STT3B: variants seen among roughly 807,000 people sequenced by gnomAD.
STT3B encodes STT3 oligosaccharyltransferase complex catalytic subunit B.
STT3B carries 29 observed loss-of-function variants against 96.8 expected under a neutral mutation model. The ratio of observed to expected loss-of-function variants is 0.30; its 90% CI spans 0.22 to 0.41. The LOEUF is 0.41. STT3B is among the 10% of genes least tolerant of loss of function. The probability of loss-of-function intolerance (pLI) is 1.00; values close to 1 mark genes in which losing one functional copy is unlikely to be tolerated. For synonymous variants in STT3B, 367 were observed against 360.0 expected (o/e 1.02, Z -0.22); for missense variants, 640 against 1,022.3 (o/e 0.63, Z 5.10).
At chr3:31,622,340 T>C in intron 10 of STT3B, 32 bp downstream of exon 10, 1 of 1,552,832 alleles carries the variant, frequency 6.4e-7, no homozygotes, top group Non-Finnish European at 8.9e-7. Context: ...CTTTAAATTG[T>C]CTATGTCCTT....
chr3:31,597,467 T>G (rs1698818618), intron 4 of STT3B, among the ~76,000 whole-genome samples: 1 of 152,030 alleles, frequency 6.6e-6, no homozygotes, highest in Non-Finnish European at 1.5e-5. Context: ...CTGTCATTTC[T>G]TTTTTCAGAG....
At chr3:31,617,342 C>T (rs1033170968) in intron 7 of STT3B, among the ~76,000 whole-genome samples, 1 of 151,598 alleles carries the variant, frequency 6.6e-6, no homozygotes, top group Non-Finnish European at 1.5e-5. Flanking sequence ...ATATGCTCAC[C>T]TTCTCTTGCA....
At chr3:31,567,287 A>G (rs746724165) in intron 1 of STT3B, among the ~76,000 whole-genome samples, 5 of 151,962 alleles carry the variant, frequency 3.3e-5, no homozygotes, top group Non-Finnish European at 7.4e-5. Flanking sequence ...CTCCTTTACT[A>G]CTAATATTTG....
intron 3 of STT3B, among the ~76,000 whole-genome samples, chr3:31,594,131 A>G (rs942725819): frequency 6.6e-6 from 1 of 152,190 alleles, no homozygotes; most frequent in African/African-American, 2.4e-5. Context: ...AAAAAACTCA[A>G]TCCATATTTT....
chr3:31,572,371 A>C (rs1204594342), intron 1 of STT3B, among the ~76,000 whole-genome samples: 1 of 151,550 alleles, frequency 6.6e-6, no homozygotes, highest in Non-Finnish European at 1.5e-5. Flanking sequence ...TTAGTCTTTG[A>C]CACTTATCTC....
At chr3:31,624,680 T>G (rs903049480) in intron 11 of STT3B, among the ~76,000 whole-genome samples, 1 of 152,046 alleles carries the variant, frequency 6.6e-6, no homozygotes, top group Non-Finnish European at 1.5e-5. Context: ...CTTTTTTTTT[T>G]TTTTTTTAAA....
intron 15 of STT3B, among the ~76,000 whole-genome samples, chr3:31,633,870 A>T (rs1699711535): frequency 6.6e-6 from 1 of 152,156 alleles, no homozygotes; most frequent in Non-Finnish European, 1.5e-5. Context: ...TATCCTTATA[A>T]TACTGATTAT....
chr3:31,566,885 A>C (rs577603062), intron 1 of STT3B, among the ~76,000 whole-genome samples: 1 of 152,218 alleles, frequency 6.6e-6, no homozygotes, highest in Admixed American at 6.5e-5. Context: ...CCAGTGCCTA[A>C]CAGAAACCTG....
At chr3:31,560,970 A>T (rs1295146697) in intron 1 of STT3B, among the ~76,000 whole-genome samples, 1 of 151,948 alleles carries the variant, frequency 6.6e-6, no homozygotes, top group Admixed American at 6.6e-5. Flanking sequence ...TTGTCTGACT[A>T]GGTTATTTCA....
intron 14 of STT3B, among the ~76,000 whole-genome samples, chr3:31,630,368 A>G (rs778940924): frequency 4.6e-5 from 7 of 152,114 alleles, no homozygotes; most frequent in African/African-American, 1.7e-4. Flanking sequence ...AGTTTCTCCC[A>G]TATATGTACC....
At chr3:31,626,289 A>G (rs1411580536) in intron 13 of STT3B, among the ~76,000 whole-genome samples, 162 bp downstream of exon 13, 3 of 152,174 alleles carry the variant, frequency 2.0e-5, no homozygotes, top group Admixed American at 1.3e-4. Flanking sequence ...GGCATTTCCT[A>G]TATTAAAACT....
chr3:31,629,211 ATTC>A, intron 13 of STT3B, 84 bp from the exon 14 acceptor site: 2 of 770,674 alleles, frequency 2.6e-6, no homozygotes, highest in South Asian at 1.6e-5. Context: ...TCAGAAGCTT[ATTC>A]TTACAGGGAA....
intron 8 of STT3B, among the ~76,000 whole-genome samples, chr3:31,618,200 C>G (rs759816000): frequency 2.6e-5 from 4 of 152,030 alleles, no homozygotes; most frequent in Non-Finnish European, 5.9e-5. Flanking sequence ...TTGTGTATTA[C>G]TGTTCTGCAT....
chr3:31,623,654 A>T lies in STT3B; in HGVS notation c.1540-20A>T, dbSNP rs1025581455. The T allele has an allele frequency of 8.3e-6, 13 of 1,566,928 alleles. No individual in the cohort carries two copies. The highest frequency in any genetic ancestry group is 1.4e-5 in the African/African-American group (1 of 73,306). ...AGTCAAATAATGAATTTGTCTAACC[A>T]ATTTTTTTAATATCTTTAGGCAGGT... On this transcript the variant is annotated intron_variant, in intron 10 of 15. Transcript: ENST00000295770.
At chr3:31,539,682 T>A (rs1697208187) in intron 1 of STT3B, among the ~76,000 whole-genome samples, 1 of 152,184 alleles carries the variant, frequency 6.6e-6, no homozygotes, top group Non-Finnish European at 1.5e-5. Context: ...TTGATTGTTT[T>A]GATGGAGCGA....
chr3:31,616,730 A>G (rs962015922), intron 6 of STT3B, among the ~76,000 whole-genome samples, 199 bp from the exon 7 acceptor site: 6 of 143,546 alleles, frequency 4.2e-5, no homozygotes, highest in Admixed American at 7.0e-5. Flanking sequence ...ATCATTTAGG[A>G]AAAAAAAAAA....
At chr3:31,633,296 C>A in intron 15 of STT3B, 149 bp downstream of exon 15, 2 of 698,972 alleles carry the variant, frequency 2.9e-6, no homozygotes, top group Non-Finnish European at 4.6e-6. Flanking sequence ...TCAGCCTAGC[C>A]TGCTAGGAGC....
intron 1 of STT3B, among the ~76,000 whole-genome samples, chr3:31,534,656 A>G (rs563307434): frequency 4.6e-5 from 7 of 152,344 alleles, no homozygotes; most frequent in South Asian, 4.1e-4. Context: ...TAAGTTCTGC[A>G]TTATGGAGAG....
intron 5 of STT3B, among the ~76,000 whole-genome samples, chr3:31,614,623 A>G (rs981470011): frequency 3.3e-5 from 5 of 152,058 alleles, no homozygotes; most frequent in African/African-American, 9.6e-5. Context: ...GTACTATACA[A>G]AGGTATTATG....
Sources: gnomAD v4.1 joint callset for allele counts (sites outside exome capture counted in the v4.1 genomes callset) on GRCh38, gnomAD v4.1.1 for gene constraint, MANE v1.5 for transcripts, NCBI Gene and HGNC (gene_info 2026-07-23, HGNC 2026-07-21) for gene names.